The following CATSPERE variants were observed in gnomAD, a reference collection of about 807,000 sequenced individuals.
CATSPERE encodes the protein cation channel sperm-associated auxiliary subunit epsilon.
In CATSPERE, 93 loss-of-function variants were observed where a neutral mutation model predicts 114.1. That is an observed-to-expected ratio of 0.81 (90% CI 0.69 to 0.97). The LOEUF is 0.97. Ranked by LOEUF, CATSPERE falls within the 50% of genes least tolerant of loss-of-function variation. The pLI, the probability that CATSPERE is intolerant of heterozygous loss-of-function variation, is 0.00. For synonymous variants in CATSPERE, 341 were observed against 384.1 expected, an observed-to-expected ratio of 0.89 and a Z score of 1.31; for missense variants, 1,058 against 1,131.6, an observed-to-expected ratio of 0.93 and a Z score of 0.93.
chr1:244,488,775 T>C (rs907653524), intron 5 of CATSPERE, among the ~76,000 whole-genome samples: 1 of 152,202 alleles, frequency 6.6e-6, no homozygotes, highest in Non-Finnish European at 1.5e-5. Flanking sequence ...GCCGGGGTCT[T>C]TTTAATCAAC....
chr1:244,603,532 T>C (rs758890841), intron 17 of CATSPERE, among the ~76,000 whole-genome samples: 1 of 152,226 alleles, frequency 6.6e-6, no homozygotes, highest in Non-Finnish European at 1.5e-5. Context: ...TTCAATGATA[T>C]AAATTAAACA....
rs538736589 is a variant in CATSPERE, at chr1:244,573,642, C to A, written c.1950+870C>A. ...GATAACCCAGGTCTAGTGTTATCCT[C>A]CAGACTAGACCTGGCTTCTTCTGTG... On this transcript the variant is annotated intron_variant, in intron 11 of 21. Transcript: ENST00000366534. The surrounding 1 kb of genome is among the most constrained non-coding windows in gnomAD (Gnocchi z 4.0). Among the ~76,000 whole-genome samples the A allele has an allele frequency of 1.2e-4, 18 of 152,118 alleles. No homozygotes were observed. The highest frequency in any genetic ancestry group is 2.4e-4 in the Non-Finnish European group (16 of 68,018).
At chr1:244,552,064 CAAAAAAAAAAAAA>C (rs33962480) in intron 8 of CATSPERE, among the ~76,000 whole-genome samples, 21 of 61,354 alleles carry the variant, frequency 3.4e-4, no homozygotes, top group Admixed American at 9.2e-4. Flanking sequence ...ACTCTGTCTC[CAAAAAAAAAAAAA>C]AAAAAAAAAA....
At chr1:244,609,636 A>G (rs1341291132) in intron 18 of CATSPERE, among the ~76,000 whole-genome samples, 1 of 152,226 alleles carries the variant, frequency 6.6e-6, no homozygotes, top group Non-Finnish European at 1.5e-5. Flanking sequence ...CTTTGTAATA[A>G]GAAAAAAATA....
rs1332172190 is a variant in CATSPERE, at chr1:244,557,693, T to C, written c.1030-2975T>C. Among the ~76,000 whole-genome samples, 9 of 149,636 alleles carry C rather than the reference T, an allele frequency of 6.0e-5. No homozygotes were observed. The Admixed American group carries it at 6.0e-4, about 10-fold the overall frequency. ...CTACTTGAGGTTCAATTGAGTTTCTTGGATTTCTGGGTTTATGTCTTTCAT... is the reference window on the plus strand; with the variant it reads ...CTACTTGAGGTTCAATTGAGTTTCTCGGATTTCTGGGTTTATGTCTTTCAT... On this transcript the variant is annotated intron_variant, in intron 9 of 21. Coordinates refer to ENST00000366534, the MANE Select transcript of CATSPERE (RefSeq NM_001130957.2).
At chr1:244,470,540 T>A (rs1668311035) in intron 2 of CATSPERE, among the ~76,000 whole-genome samples, 1 of 152,036 alleles carries the variant, frequency 6.6e-6, no homozygotes, top group Non-Finnish European at 1.5e-5. Context: ...TGTAGAGAAA[T>A]GGGAACTCTT....
At position 244,555,648 on chromosome 1, in the gene CATSPERE, C is replaced by T. The variant is rs571089743; in HGVS notation, c.1029+2834C>T. On this transcript the variant is annotated intron_variant, in intron 9 of 21. Coordinates refer to ENST00000366534, the MANE Select transcript of CATSPERE (RefSeq NM_001130957.2). ...TGGAAAAGAGGAATTCAAACTGTCC[C>T]TTTTTGCAGATAATATGATCTTATA... Among the ~76,000 whole-genome samples the T allele has an allele frequency of 3.3e-5, 5 of 152,166 alleles. No individual in the cohort carries two copies. The South Asian group carries it at 8.3e-4, about 25-fold the overall frequency.
intron 21 of CATSPERE, 130 bp from the exon 22 acceptor site, chr1:244,639,798 G>A (rs1323550243): frequency 3.8e-6 from 3 of 790,644 alleles, no homozygotes; most frequent in Non-Finnish European, 6.0e-6. Flanking sequence ...AGGGTGGACA[G>A]TGTGTCTTAT....
intron 8 of CATSPERE, among the ~76,000 whole-genome samples, chr1:244,524,642 GAAA>G (rs1678208168): frequency 6.6e-6 from 1 of 151,310 alleles, no homozygotes; most frequent in African/African-American, 2.4e-5. Flanking sequence ...AAATTTACAA[GAAA>G]AAAACAAACA....
At chr1:244,624,384 T>G (rs944704996) in intron 20 of CATSPERE, among the ~76,000 whole-genome samples, 19 of 152,192 alleles carry the variant, frequency 1.2e-4, no homozygotes, top group African/African-American at 3.9e-4. Flanking sequence ...AGTGGAACTT[T>G]CAAAATTGGA....
rs1662428249 is a variant in CATSPERE at position 244,560,719 on chromosome 1, C to T, written c.1081C>T (p.Leu361Phe). The T allele has an allele frequency of 6.2e-7, 1 of 1,613,454 alleles. No homozygotes were observed. Among genetic ancestry groups the T allele is most frequent in the Non-Finnish European group, 8.5e-7 (1 of 1,179,788 alleles). Residue 361 changes from leucine (L) to phenylalanine (F), a missense_variant, in exon 10 of 22, where the codon CTC becomes TTC. Transcript: ENST00000366534. ...FAVWTENEIY[L>F]GSILLKFARL... ...AGTCTGGACAGAAAATGAAATTTAC[C>T]TCGGATCCATTCTTCTTAAGTTTGC...
At chr1:244,615,863 C>T (rs1558599644) in intron 19 of CATSPERE, among the ~76,000 whole-genome samples, 1 of 150,900 alleles carries the variant, frequency 6.6e-6, no homozygotes, top group East Asian at 2.0e-4. Context: ...CCTGTAATCC[C>T]AGCACTTTGG....
intron 19 of CATSPERE, chr1:244,610,704 A>C: frequency 4.7e-6 from 1 of 214,772 alleles, no homozygotes; most frequent in Non-Finnish European, 9.5e-6. Context: ...CATATGGAAA[A>C]ACTTAACCAT....
At chr1:244,451,357 T>G (rs561476040), upstream of CATSPERE, among the ~76,000 whole-genome samples, 8 of 152,256 alleles carry the variant, frequency 5.3e-5, no homozygotes, top group South Asian at 1.7e-3. The surrounding 1 kb of genome is among the most constrained non-coding windows in gnomAD (Gnocchi z 6.6). Context: ...GACGCAAAAC[T>G]GCAACTGCCA....
intron 14 of CATSPERE, 51 bp from the exon 15 acceptor site, chr1:244,591,630 C>T (rs774257373): frequency 4.4e-6 from 5 of 1,130,044 alleles, no homozygotes; most frequent in Non-Finnish European, 6.5e-6. Flanking sequence ...AATGTTTTTG[C>T]AAATATTTAA....
chr1:244,609,731 C>T (rs147929230), intron 18 of CATSPERE, among the ~76,000 whole-genome samples: 2 of 152,250 alleles, frequency 1.3e-5, no homozygotes, highest in Admixed American at 1.3e-4. Context: ...TCATGTGAAA[C>T]AATTAGAATT....
intron 13 of CATSPERE, among the ~76,000 whole-genome samples, chr1:244,584,700 G>A (rs1021240602): frequency 5.3e-5 from 8 of 151,962 alleles, no homozygotes; most frequent in Non-Finnish European, 1.0e-4. Context: ...GTTATATATG[G>A]GGAATACAAA....
chr1:244,461,837 G>A (rs925634957), intron 1 of CATSPERE, among the ~76,000 whole-genome samples: 6 of 152,096 alleles, frequency 3.9e-5, no homozygotes, highest in Admixed American at 2.6e-4. Context: ...TTTTAGAGAC[G>A]GCCTCTTGCT....
Position 244,511,371 on chromosome 1 carries a change from T to A in CATSPERE, c.430-7221T>A, listed in dbSNP as rs3003298. ...ATCTTTACAAGTGAAGTGAGTTTCT[T>A]ATAGGCAATATATAGTTGGATTGTG... is the stretch of plus-strand genomic sequence containing the variant. On this transcript the variant is annotated intron_variant, in intron 7 of 21. Transcript: ENST00000366534. Among the ~76,000 whole-genome samples the A allele has an allele frequency of 7.1e-3, 1,087 of 152,304 alleles. 12 individuals carry two copies. The highest frequency in any genetic ancestry group is 0.025 in the African/African-American group (1,019 of 41,566).
Sources: allele counts gnomAD v4.1 joint callset (sites outside exome capture counted in the v4.1 genomes callset), GRCh38; gene constraint gnomAD v4.1.1; non-coding constraint Gnocchi (gnomAD v3.1); transcripts MANE v1.5; gene names NCBI Gene and HGNC (gene_info 2026-07-23, HGNC 2026-07-21).